The following PRR5 variants were observed in gnomAD, a reference collection of about 807,000 sequenced individuals.
PRR5 encodes the protein proline rich 5.
PRR5 carries 25 observed loss-of-function variants against 30.6 expected under a neutral mutation model. The observed-to-expected ratio is 0.82, with a 90% CI of 0.60 to 1.14. The LOEUF is 1.14. Ranked by LOEUF, PRR5 falls within the 50% of genes most tolerant of loss-of-function variation. The pLI, the probability that PRR5 is intolerant of heterozygous loss-of-function variation, is 0.00. For missense variants in PRR5, 600 were observed against 547.1 expected (o/e 1.10, Z -0.96); for synonymous variants, 286 against 247.1 (o/e 1.16, Z -1.48).
intron 1 of PRR5, among the ~76,000 whole-genome samples, chr22:44,685,142 C>A (rs1924630996): frequency 6.6e-6 from 1 of 152,198 alleles, no homozygotes. Context: ...GGTGGAAATT[C>A]TGGCCTGTAG....
intron 1 of PRR5, among the ~76,000 whole-genome samples, chr22:44,692,705 G>T (rs1925388759): frequency 6.6e-6 from 1 of 152,210 alleles, no homozygotes; most frequent in Admixed American, 6.5e-5. Flanking sequence ...CCAAGAAGGT[G>T]CCTTGGGAAG....
chr22:44,729,481 C>A, intron 4 of PRR5: 2 of 985,628 alleles, frequency 2.0e-6, no homozygotes, highest in Non-Finnish European at 2.4e-6. Flanking sequence ...AGGTACGGCG[C>A]GCACACACCC....
At chr22:44,687,710 C>T (rs946815455) in intron 1 of PRR5, among the ~76,000 whole-genome samples, 2 of 152,144 alleles carry the variant, frequency 1.3e-5, no homozygotes, top group Non-Finnish European at 2.9e-5. Flanking sequence ...TTTAATAAAC[C>T]CTCCGTCTCA....
At chr22:44,702,645 G>T (rs1180779257) in intron 1 of PRR5, 37 bp downstream of exon 1, 12 of 1,263,900 alleles carry the variant, frequency 9.5e-6, no homozygotes, top group Non-Finnish European at 1.0e-5. Context: ...GGAGGCCCTG[G>T]AGCCGGGGGA....
intron 5 of PRR5, 37 bp downstream of exon 5, chr22:44,731,858 C>T (rs1319773250): frequency 1.3e-6 from 2 of 1,591,702 alleles, no homozygotes; most frequent in Non-Finnish European, 1.7e-6. Flanking sequence ...AGCCCAGTGC[C>T]CCTGCTGTGC....
intron 1 of PRR5, among the ~76,000 whole-genome samples, chr22:44,671,291 G>T (rs1923412619): frequency 6.6e-6 from 1 of 152,234 alleles, no homozygotes; most frequent in African/African-American, 2.4e-5. Context: ...CCATCATGAA[G>T]ACATGGTTTA....
At chr22:44,706,780 A>C (rs1158413786) in intron 1 of PRR5, among the ~76,000 whole-genome samples, 1 of 151,996 alleles carries the variant, frequency 6.6e-6, no homozygotes. Flanking sequence ...CACCTGCCTC[A>C]GTCTCCCAGA....
intron 1 of PRR5, among the ~76,000 whole-genome samples, chr22:44,712,484 C>T (rs5764969): frequency 0.12 from 18,998 of 152,212 alleles, 1,322 homozygotes; most frequent in Admixed American, 0.2. Flanking sequence ...TGGCCAGTCC[C>T]GGCTCCGTGT....
intron 1 of PRR5, among the ~76,000 whole-genome samples, chr22:44,684,297 C>T (rs1924552308): frequency 6.6e-6 from 1 of 152,218 alleles, no homozygotes; most frequent in Non-Finnish European, 1.5e-5. Context: ...AATCCCGGCA[C>T]TTTGGGAGGC....
At chr22:44,708,834 G>C (rs937765978) in intron 1 of PRR5, among the ~76,000 whole-genome samples, 1 of 151,950 alleles carries the variant, frequency 6.6e-6, no homozygotes, top group African/African-American at 2.4e-5. Flanking sequence ...CAGCGTGGTG[G>C]TGGGCGCCTG....
upstream of PRR5, among the ~76,000 whole-genome samples, chr22:44,698,867 T>C (rs137914800): frequency 1.6e-3 from 249 of 152,312 alleles, 1 homozygote; most frequent in African/African-American, 5.6e-3. Context: ...TGCCCCCTGC[T>C]CTGAGGGTTT....
At chr22:44,732,847 C>T (rs1922366363) in intron 6 of PRR5, among the ~76,000 whole-genome samples, 1 of 32,996 alleles carries the variant, frequency 3.0e-5, no homozygotes, top group Non-Finnish European at 1.5e-4. Context: ...CACACGTGCA[C>T]ACACGTGCAC....
chr22:44,690,391 G>A (rs1043251974), intron 1 of PRR5, among the ~76,000 whole-genome samples: 3 of 152,178 alleles, frequency 2.0e-5, no homozygotes, highest in Non-Finnish European at 4.4e-5. Context: ...GCTAAGTTGG[G>A]TAAAGGAGAG....
chr22:44,691,068 C>T lies in PRR5; in HGVS notation c.-10-11424C>T, dbSNP rs1474469523. 2.0e-5 allele frequency among the ~76,000 whole-genome samples: 3 copies of T among 151,268 alleles called. No individual in the cohort carries two copies. Among genetic ancestry groups the T allele is most frequent in the Non-Finnish European group, 2.9e-5 (2 of 67,874 alleles). The stretch of plus-strand genomic sequence containing the variant: ...TGGCAGCCTCGGGAAGGTGGATTCC[C>T]GGGGCGGGGAGGCAGGAGAGTCCTG... On this transcript the variant is annotated intron_variant, in intron 1 of 8. Transcript: ENST00000006251. This position sits in a 1 kb window ranked among gnomAD's most constrained non-coding sequence, Gnocchi z 4.4.
At chr22:44,733,450 G>A (rs1041654802) in intron 6 of PRR5, among the ~76,000 whole-genome samples, 1 of 152,224 alleles carries the variant, frequency 6.6e-6, no homozygotes, top group Admixed American at 6.5e-5. Flanking sequence ...TAAAATTAGG[G>A]TCTGTGAGGA....
At chr22:44,729,967 A>G (rs2147155632) in intron 4 of PRR5, 1 of 985,370 alleles carries the variant, frequency 1.0e-6, no homozygotes, top group Non-Finnish European at 1.2e-6. Context: ...GTGAGCATCC[A>G]TCCGTCCGGG....
chr22:44,713,122 A>G lies in PRR5; in HGVS notation c.135-1469A>G, dbSNP rs1209823840. 2.0e-5 allele frequency among the ~76,000 whole-genome samples: 3 copies of G among 152,124 alleles called. No homozygotes were observed. In the East Asian group the frequency reaches 5.8e-4, roughly 29 times the overall value. On this transcript the variant is annotated intron_variant, in intron 1 of 7. Transcript: ENST00000336985. Reference sequence around the variant, plus strand: ...ATGCCCGGGAGTGTGGGGAGGGGCCATGTCGGGAGGAGCCTGGATGCTGCC... The same window carrying G: ...ATGCCCGGGAGTGTGGGGAGGGGCCGTGTCGGGAGGAGCCTGGATGCTGCC...
chr22:44,706,362 A>G (rs1302410993), intron 1 of PRR5, among the ~76,000 whole-genome samples: 1 of 152,174 alleles, frequency 6.6e-6, no homozygotes, highest in East Asian at 1.9e-4. Context: ...TGGAGCTTAG[A>G]GTTCCCAGAG....
chr22:44,718,311 C>A (rs1297883026), intron 2 of PRR5, among the ~76,000 whole-genome samples: 1 of 147,844 alleles, frequency 6.8e-6, no homozygotes, highest in Non-Finnish European at 1.5e-5. Context: ...TCTTGTGCCT[C>A]AGCCTCCCGA....
Sources: gnomAD v4.1 joint callset for allele counts (sites outside exome capture counted in the v4.1 genomes callset) on GRCh38, gnomAD v4.1.1 for gene constraint, Gnocchi (gnomAD v3.1) non-coding constraint, MANE v1.5 for transcripts, NCBI Gene and HGNC (gene_info 2026-07-23, HGNC 2026-07-21) for gene names.